Variants in CELSR1 observed in about 807,000 individuals in gnomAD.
CELSR1 encodes the protein cadherin EGF LAG seven-pass G-type receptor 1.
In CELSR1, 110 loss-of-function variants were observed where a neutral mutation model predicts 249.1. The observed-to-expected ratio is 0.44, with a 90% CI of 0.38 to 0.52. The LOEUF is 0.52. Among genes scored for constraint, CELSR1 ranks in the 20% least tolerant of loss-of-function variants. The probability of loss-of-function intolerance (pLI) is 0.00; values close to 1 mark genes in which losing one functional copy is unlikely to be tolerated. For synonymous variants in CELSR1, 2,113 were observed against 1,900.0 expected (o/e 1.11, Z -2.92); for missense variants, 4,109 against 4,296.4 (o/e 0.96, Z 1.22).
At chr22:46,370,858 T>C (rs190031495) in intron 25 of CELSR1, among the ~76,000 whole-genome samples, 1 of 152,214 alleles carries the variant, frequency 6.6e-6, no homozygotes, top group Non-Finnish European at 1.5e-5. Context: ...TTTTAAGATC[T>C]TGTACAAGAC....
At chr22:46,365,738 G>C in intron 30 of CELSR1, 49 bp from the exon 31 acceptor site, 1 of 1,457,030 alleles carries the variant, frequency 6.9e-7, no homozygotes, top group Non-Finnish European at 9.4e-7. Context: ...CAGGGAACAG[G>C]AGGTGCTGGA....
Position 46,535,833 on chromosome 22 carries a change from G to A in CELSR1, c.1338C>T (p.Tyr446=), listed in dbSNP as rs1465893049. The stretch of plus-strand genomic sequence containing the variant: ...TGTCGTTCTCGTCCTCCACCTCGAT[G>A]TACACGGTGGCCGTGGCACTGAGCG... The part of the protein sequence containing the change: ...PGPLSATATV[Y]IEVEDENDNY... The change falls in exon 1 of 35, where the codon TAC becomes TAT. Residue 446 remains tyrosine (Y), a synonymous_variant. Transcript: ENST00000674500. 11 of 1,605,722 alleles carry A rather than the reference G, an allele frequency of 6.9e-6. No individual in the cohort carries two copies. The highest frequency in any genetic ancestry group is 8.5e-6 in the Non-Finnish European group (10 of 1,177,260).
intron 2 of CELSR1, among the ~76,000 whole-genome samples, chr22:46,455,794 A>C (rs553030100): frequency 6.6e-6 from 1 of 152,316 alleles, no homozygotes; most frequent in East Asian, 1.9e-4. Context: ...AGCTTTGGGG[A>C]AAGAAATTGA....
At chr22:46,511,641 C>T (rs1042658576) in intron 1 of CELSR1, among the ~76,000 whole-genome samples, 2 of 152,202 alleles carry the variant, frequency 1.3e-5, no homozygotes, top group African/African-American at 4.8e-5. Context: ...GGGCTGACAG[C>T]GCCAACACCC....
At chr22:46,515,102 C>G (rs1229147361) in intron 1 of CELSR1, among the ~76,000 whole-genome samples, 3 of 143,110 alleles carry the variant, frequency 2.1e-5, no homozygotes, top group Non-Finnish European at 4.6e-5. Flanking sequence ...GCGTGGACCC[C>G]CCTCAGCGTC....
In CELSR1 at chr22:46,451,505, C is replaced by G. The variant is rs7284765; in HGVS notation, c.4184-12094G>C. ...CACCTACACGCTGAGGGCTGGAAAC[C>G]CTGCCGAACCTGAAGGATGGGTGCA... is the stretch of plus-strand genomic sequence containing the variant. On this transcript the variant is annotated intron_variant, in intron 2 of 34. Coordinates refer to ENST00000674500, the MANE Select transcript of CELSR1 (RefSeq NM_001378328.1). 2.4e-3 allele frequency among the ~76,000 whole-genome samples: 358 copies of G among 152,306 alleles called. 3 individuals are homozygous for G. The highest frequency in any genetic ancestry group is 8.3e-3 in the African/African-American group (346 of 41,560).
Position 46,406,131 on chromosome 22 carries a change from C to T in CELSR1, c.5226+2865G>A, listed in dbSNP as rs2079263675. Among the ~76,000 whole-genome samples the T allele has an allele frequency of 6.6e-6, 1 of 152,216 alleles. No individual in the cohort carries two copies. Among genetic ancestry groups the T allele is most frequent in the African/African-American group, 2.4e-5 (1 of 41,452 alleles). On this transcript the variant is annotated intron_variant, in intron 9 of 34. Coordinates refer to ENST00000674500, the MANE Select transcript of CELSR1 (RefSeq NM_001378328.1). This position sits in a 1 kb window ranked among gnomAD's most constrained non-coding sequence, Gnocchi z 5.4. ...AAAGCGCACTTTTTTCCTACAGAGACCCCACTGCCAAATGACAACTTGCAA... is the reference window on the plus strand; with the variant it reads ...AAAGCGCACTTTTTTCCTACAGAGATCCCACTGCCAAATGACAACTTGCAA...
chr22:46,455,542 C>A (rs921050377), intron 2 of CELSR1, among the ~76,000 whole-genome samples: 1 of 152,156 alleles, frequency 6.6e-6, no homozygotes, highest in Admixed American at 6.6e-5. Flanking sequence ...CTCAAGTGAT[C>A]CGTTTGCCTC....
Position 46,396,622 on chromosome 22 carries a change from C to A in CELSR1, c.5826G>T (p.Gly1942=). 6.2e-7 allele frequency: 1 copy of A among 1,600,292 alleles called. No individual in the cohort carries two copies. Among genetic ancestry groups the A allele is most frequent in the Non-Finnish European group, 8.5e-7 (1 of 1,173,442 alleles). The change falls in exon 13 of 35, where the codon GGG becomes GGT. Residue 1942 remains glycine, a synonymous_variant. Transcript: ENST00000674500. This position sits in a 1 kb window ranked among gnomAD's most constrained non-coding sequence, Gnocchi z 6.4. Reference sequence around the variant, plus strand: ...GCTCTTACTTGTTCTCACAGTACGGCCCGTAGTGACTGGGCCCACACTCGC... The same window carrying A: ...GCTCTTACTTGTTCTCACAGTACGGACCGTAGTGACTGGGCCCACACTCGC... ...YVCECGPSHY[G]PYCENKLDLP...
At chr22:46,474,924 T>C (rs1452363755) in intron 1 of CELSR1, among the ~76,000 whole-genome samples, 1 of 151,780 alleles carries the variant, frequency 6.6e-6, no homozygotes, top group Non-Finnish European at 1.5e-5. Context: ...GCTTCTCCCA[T>C]GGCCAAGCAC....
At chr22:46,377,284 C>T (rs2147205275) in intron 23 of CELSR1, 23 bp from the exon 24 acceptor site, 2 of 1,611,932 alleles carry the variant, frequency 1.2e-6, no homozygotes, top group Non-Finnish European at 8.5e-7. Context: ...GGGTTAAAGG[C>T]AGGAGAGAAG....
At chr22:46,531,582 AAGGAAGAGAGGGGAATGCG>A (rs1206016088) in intron 1 of CELSR1, among the ~76,000 whole-genome samples, 1 of 152,178 alleles carries the variant, frequency 6.6e-6, no homozygotes, top group African/African-American at 2.4e-5. Context: ...ATGTTCTCCA[AAGGAAGAGAGGGGAATGCG>A]AAGAGCGGGC....
At chr22:46,367,682 C>T in intron 28 of CELSR1, 47 bp downstream of exon 28, 1 of 1,562,638 alleles carries the variant, frequency 6.4e-7, no homozygotes, top group Non-Finnish European at 8.7e-7. Flanking sequence ...GCGATGGTGT[C>T]ACGGCGGCCA....
intron 1 of CELSR1, among the ~76,000 whole-genome samples, chr22:46,501,883 C>T: frequency 6.6e-6 from 1 of 152,156 alleles, no homozygotes; most frequent in Non-Finnish European, 1.5e-5. Flanking sequence ...CTGATCTGCA[C>T]CCTCCAGGGA....
chr22:46,431,288 G>C (rs2079592729), intron 5 of CELSR1, among the ~76,000 whole-genome samples: 1 of 152,220 alleles, frequency 6.6e-6, no homozygotes, highest in African/African-American at 2.4e-5. Flanking sequence ...GCGGAGTGTG[G>C]ACAGAGGTGG....
At chr22:46,462,101 C>T (rs561541434) in intron 2 of CELSR1, among the ~76,000 whole-genome samples, 189 of 152,350 alleles carry the variant, frequency 1.2e-3, no homozygotes, top group African/African-American at 4.2e-3. Flanking sequence ...GGTCTCCCGC[C>T]GCCTCTGCCT....
chr22:46,508,827 G>A lies in CELSR1; in HGVS notation c.3544+24800C>T, dbSNP rs1003903635. Reference sequence around the variant, plus strand: ...AGAATGGTCTCTGAGACCCTGAGACGTTCCCTGTGTCTGTGAACCTGGGAA... The same window carrying A: ...AGAATGGTCTCTGAGACCCTGAGACATTCCCTGTGTCTGTGAACCTGGGAA... On this transcript the variant is annotated intron_variant, in intron 1 of 34. Coordinates refer to ENST00000674500, the MANE Select transcript of CELSR1 (RefSeq NM_001378328.1). Among the ~76,000 whole-genome samples the A allele has an allele frequency of 2.6e-5, 4 of 152,200 alleles. No individual in the cohort carries two copies. The South Asian group carries it at 6.2e-4, about 24-fold the overall frequency.
At position 46,363,276 on chromosome 22, in the gene CELSR1, G is replaced by GGCT; in HGVS notation, c.9036-30_9036-29insAGC. ...CGCGTGGGAAGAAGCCAGCAAGCAG[G>GGCT]TGAAGGGTCAGTGAGGGTAGCGGCT... is the stretch of plus-strand genomic sequence containing the variant. On this transcript the variant is annotated intron_variant, in intron 34 of 34. Transcript: ENST00000674500. This position sits in a 1 kb window ranked among gnomAD's most constrained non-coding sequence, Gnocchi z 4.3. 6.3e-7 allele frequency: 1 copy of GGCT among 1,599,608 alleles called. No individual in the cohort carries two copies. Among genetic ancestry groups the GGCT allele is most frequent in the Non-Finnish European group, 8.6e-7 (1 of 1,168,404 alleles).
chr22:46,453,339 C>T lies in CELSR1; in HGVS notation c.4183+10368G>A, dbSNP rs1027637277. 7.2e-5 allele frequency among the ~76,000 whole-genome samples: 11 copies of T among 152,290 alleles called. No individual in the cohort carries two copies. In the South Asian group the frequency reaches 8.3e-4, roughly 11 times the overall value. ...CACGAGAAAAGGCTGCTCAGCACCC[C>T]AACGGTTCAAATTCCCCTGGCCACA... On this transcript the variant is annotated intron_variant, in intron 2 of 34. Transcript: ENST00000674500.
Sources: gnomAD v4.1 joint callset for allele counts (sites outside exome capture counted in the v4.1 genomes callset) on GRCh38, gnomAD v4.1.1 for gene constraint, Gnocchi (gnomAD v3.1) non-coding constraint, MANE v1.5 for transcripts, NCBI Gene and HGNC (gene_info 2026-07-23, HGNC 2026-07-21) for gene names.